The following AHCTF1 variants were observed in gnomAD, a reference collection of about 807,000 sequenced individuals.
AHCTF1 encodes AT-hook containing transcription factor 1.
In AHCTF1, 24 loss-of-function variants were observed where a neutral mutation model predicts 248.4. The observed-to-expected ratio is 0.10, with a 90% CI of 0.07 to 0.14. AHCTF1 has a LOEUF of 0.14. Ranked by LOEUF, AHCTF1 falls within the 10% of genes least tolerant of loss-of-function variation. The pLI, the probability that AHCTF1 is intolerant of heterozygous loss-of-function variation, is 1.00. For missense variants in AHCTF1, 2,206 were observed against 2,636.2 expected (o/e 0.84, Z 3.57); for synonymous variants, 786 against 929.8 (o/e 0.85, Z 2.81).
rs115371557 is a variant in AHCTF1 at position 246,871,074 on chromosome 1, G to C, written c.3089-3263C>G. On this transcript the variant is annotated intron_variant, in intron 24 of 35. Transcript: ENST00000648844. The stretch of plus-strand genomic sequence containing the variant: ...TCTGTCTCATAAAAGGCAGGGAACA[G>C]CTAGCCAGGGGAGCACTTACCCAAA... Among the ~76,000 whole-genome samples the C allele has an allele frequency of 5.6e-3, 855 of 152,302 alleles. 11 individuals carry two copies. Among genetic ancestry groups the C allele is most frequent in the African/African-American group, 0.02 (821 of 41,558 alleles).
rs1025038220 is a variant in AHCTF1, at chr1:246,885,727, T to C, written c.2473-47A>G. ...TTAAATATAAATATAATCCTATACA[T>C]TTAGACAAAGTAGGTAAACCTAACA... On this transcript the variant is annotated intron_variant, in intron 20 of 35. Transcript: ENST00000648844. The C allele has an allele frequency of 1.7e-5, 25 of 1,509,960 alleles. No individual in the cohort carries two copies. In the Admixed American group the frequency reaches 3.9e-4, roughly 24 times the overall value. The allele number at this position is 1,509,960 out of a possible 1,614,324, so 93.5% of individuals were successfully genotyped here. A position where few individuals can be genotyped will look rare whatever the true frequency, so the allele number is the denominator to read the frequency against.
In AHCTF1 at chr1:246,846,206, C is replaced by T. The variant is rs544865242; in HGVS notation, c.6392-2278G>A. Among the ~76,000 whole-genome samples, 17 of 150,986 alleles carry T rather than the reference C, an allele frequency of 1.1e-4. No homozygotes were observed. The East Asian group carries it at 1.7e-3, about 16-fold the overall frequency. ...ACACAAAATTCTAAGATAATTTCTT[C>T]GCTATGTTTCAATAAAATAAAGGAC... is the stretch of plus-strand genomic sequence containing the variant. On this transcript the variant is annotated intron_variant, in intron 33 of 35. Transcript: ENST00000648844.
rs1661238369 is a variant in AHCTF1, at chr1:246,858,106, C to A, written c.4133-292G>T. ...CCCCGAGTAGCTGGCACTACAGATG[C>A]CCGCCACCATGCCCTGCTGATTTTT... is the stretch of plus-strand genomic sequence containing the variant. On this transcript the variant is annotated intron_variant, in intron 29 of 35. Transcript: ENST00000648844. Among the ~76,000 whole-genome samples the A allele has an allele frequency of 1.3e-5, 2 of 151,952 alleles. 1 individual carries two copies. Among genetic ancestry groups the A allele is most frequent in the Admixed American group, 1.3e-4 (2 of 15,256 alleles).
intron 21 of AHCTF1, among the ~76,000 whole-genome samples, chr1:246,877,923 A>G (rs11583611): frequency 6.6e-6 from 1 of 151,588 alleles, no homozygotes; most frequent in African/African-American, 2.4e-5. Flanking sequence ...TTATTTATTT[A>G]TTTTTATTTT....
rs1662041953 is a variant in AHCTF1 at position 246,867,210 on chromosome 1, T to C, written c.3347+34A>G. The C allele has an allele frequency of 4.2e-6, 5 of 1,178,236 alleles. No homozygotes were observed. The South Asian group carries it at 5.9e-5, about 14-fold the overall frequency. 73.0% of individuals were successfully genotyped at this position (1,178,236 alleles called of 1,614,324 possible). Reference sequence around the variant, plus strand: ...TTACAATTGTAACTATCATCTAACATTGTGTCTCTAAGAATGATTTAATAA... The same window carrying C: ...TTACAATTGTAACTATCATCTAACACTGTGTCTCTAAGAATGATTTAATAA... On this transcript the variant is annotated intron_variant, in intron 26 of 35. Coordinates refer to ENST00000648844, the MANE Select transcript of AHCTF1 (RefSeq NM_001323342.2).
intron 4 of AHCTF1, among the ~76,000 whole-genome samples, chr1:246,911,942 T>TG (rs1422205891): frequency 1.3e-5 from 2 of 152,110 alleles, no homozygotes; most frequent in Non-Finnish European, 2.9e-5. Flanking sequence ...TTTTTGTTTT[T>TG]GTTTTCTTTG....
In AHCTF1 at chr1:246,900,196, T is replaced by G. The variant is rs1180366605; in HGVS notation, c.1301A>C (p.Glu434Ala). The G allele has an allele frequency of 6.2e-7, 1 of 1,603,796 alleles. No individual in the cohort carries two copies. Among genetic ancestry groups the G allele is most frequent in the Non-Finnish European group, 8.5e-7 (1 of 1,177,394 alleles). Reference protein sequence around the residue: ...NCSYFALWSLESVVSRTSPHG... With the variant: ...NCSYFALWSLASVVSRTSPHG... ...TGGAGAAGTCCTACTTACAACAGAC[T>G]CCAATGACCACAGTGCAAAATAAGA... The change falls in exon 10 of 36, where the codon GAG (glutamate) becomes GCG (alanine). Residue 434 changes from glutamate (E) to alanine (A), a missense_variant. Glu to Ala is a moderately radical substitution (Grantham distance 107). Coordinates refer to ENST00000648844, the MANE Select transcript of AHCTF1 (RefSeq NM_001323342.2).
chr1:246,881,390 A>C (rs2642984), intron 21 of AHCTF1, among the ~76,000 whole-genome samples: 51,303 of 151,998 alleles, frequency 0.34, 9,578 homozygotes, highest in African/African-American at 0.5. Flanking sequence ...CTAGGAAAAA[A>C]AATTATTCAG....
At chr1:246,860,765 C>A (rs1299755801) in intron 29 of AHCTF1, 134 bp downstream of exon 29, 2 of 1,223,116 alleles carry the variant, frequency 1.6e-6, no homozygotes, top group South Asian at 3.2e-5. Flanking sequence ...CTCAGCCTCC[C>A]AAAGTGCTGA....
chr1:246,908,768 G>A (rs934587108), intron 4 of AHCTF1, among the ~76,000 whole-genome samples: 3 of 150,782 alleles, frequency 2.0e-5, no homozygotes, highest in South Asian at 4.2e-4. Flanking sequence ...GGCGGCGTGC[G>A]CCTGTAGTCC....
At chr1:246,887,450 AAG>A in intron 19 of AHCTF1, 93 bp from the exon 20 acceptor site, 2 of 1,284,552 alleles carry the variant, frequency 1.6e-6, no homozygotes, top group Non-Finnish European at 2.1e-6. Flanking sequence ...GTAGCATTAA[AAG>A]AGACTTGAAA....
At chr1:246,926,504 T>C (rs997596717) in intron 1 of AHCTF1, among the ~76,000 whole-genome samples, 12 of 152,188 alleles carry the variant, frequency 7.9e-5, no homozygotes, top group Non-Finnish European at 1.8e-4. Flanking sequence ...TAGGGCAAAA[T>C]TGGTTTTAAG....
intron 18 of AHCTF1, 25 bp downstream of exon 18, chr1:246,888,369 T>A (rs761541791): frequency 6.2e-7 from 1 of 1,612,868 alleles, no homozygotes; most frequent in Non-Finnish European, 8.5e-7. Flanking sequence ...AGACTCTAAA[T>A]GATAGCACAT....
intron 12 of AHCTF1, among the ~76,000 whole-genome samples, chr1:246,897,914 G>C (rs1202135189): frequency 6.2e-5 from 5 of 80,726 alleles, no homozygotes; most frequent in Non-Finnish European, 1.3e-4. Flanking sequence ...AAGAGGTTGA[G>C]GCTACAGTGA....
At chr1:246,884,646 TCA>T (rs1157110762) in intron 21 of AHCTF1, among the ~76,000 whole-genome samples, 7 of 139,750 alleles carry the variant, frequency 5.0e-5, no homozygotes, top group Non-Finnish European at 9.4e-5. Flanking sequence ...TTTAGCTTTC[TCA>T]CAGTTACTAT....
rs537638993 is a variant in AHCTF1 at position 246,889,476 on chromosome 1, A to T, written c.2144+490T>A. ...CAAGGATATACACTTAGGAAATAAC[A>T]GATCTAGAATTTTAAAATATGCCTA... On this transcript the variant is annotated intron_variant, in intron 17 of 35. Coordinates refer to ENST00000648844, the MANE Select transcript of AHCTF1 (RefSeq NM_001323342.2). Among the ~76,000 whole-genome samples, 160 of 152,362 alleles carry T rather than the reference A, an allele frequency of 1.1e-3. 2 individuals carry two copies. In the Middle Eastern group the frequency reaches 0.014, roughly 13 times the overall value.
rs1661354251 is a variant in AHCTF1 at position 246,859,396 on chromosome 1, C to T, written c.4132+1503G>A. Among the ~76,000 whole-genome samples, 3 of 152,244 alleles carry T rather than the reference C, an allele frequency of 2.0e-5. No homozygotes were observed. In the South Asian group the frequency reaches 6.2e-4, roughly 32 times the overall value. On this transcript the variant is annotated intron_variant, in intron 29 of 35. Coordinates refer to ENST00000648844, the MANE Select transcript of AHCTF1 (RefSeq NM_001323342.2). Reference sequence around the variant, plus strand: ...AGTGTTCCCCTGGCCCTCTTGTTAACCAAACTGGATTCTAAGTGTTTGTCA... The same window carrying T: ...AGTGTTCCCCTGGCCCTCTTGTTAATCAAACTGGATTCTAAGTGTTTGTCA...
At position 246,867,901 on chromosome 1, in the gene AHCTF1, C is replaced by CCACACACA. The variant is rs1553291132; in HGVS notation, c.3089-98_3089-91dup. 7 of 313,836 alleles carry CCACACACA rather than the reference C, an allele frequency of 2.2e-5. 1 individual carries two copies. The African/African-American group carries it at 2.4e-4, about 11-fold the overall frequency. The allele number at this position is 313,836 out of a possible 1,614,324, so 19.4% of individuals were successfully genotyped here. On this transcript the variant is annotated intron_variant, in intron 24 of 35. Transcript: ENST00000648844. ...TGAAAGAATGATTACACCCCCCCCCCCACACACACACACACACACATTACG... is the reference window on the plus strand; with the variant it reads ...TGAAAGAATGATTACACCCCCCCCCCCACACACACACACACACACACACACACATTACG...
At chr1:246,871,001 CTG>C (rs1270300147) in intron 24 of AHCTF1, among the ~76,000 whole-genome samples, 1 of 152,174 alleles carries the variant, frequency 6.6e-6, no homozygotes, top group Non-Finnish European at 1.5e-5. Context: ...CAAAAAGTGA[CTG>C]CGCTCCCACT....
Sources: allele counts gnomAD v4.1 joint callset (sites outside exome capture counted in the v4.1 genomes callset), GRCh38; gene constraint gnomAD v4.1.1; transcripts MANE v1.5; gene names NCBI Gene and HGNC (gene_info 2026-07-23, HGNC 2026-07-21).